Variants in IQGAP2 observed in about 807,000 individuals in gnomAD.
The protein encoded by IQGAP2 is IQ motif containing GTPase activating protein 2, also known as ras GTPase-activating-like protein IQGAP2.
IQGAP2 carries 173 observed loss-of-function variants against 201.3 expected under a neutral mutation model. The observed-to-expected ratio is 0.86, with a 90% CI of 0.76 to 0.98. The LOEUF (loss-of-function observed/expected upper bound fraction) is 0.98. IQGAP2 is among the 50% of genes least tolerant of loss of function. The pLI, the probability that IQGAP2 is intolerant of heterozygous loss-of-function variation, is 0.00. For missense variants in IQGAP2, 1,687 were observed against 1,864.8 expected (o/e 0.90, Z 1.76); for synonymous variants, 675 against 673.9 (o/e 1.00, Z -0.03).
chr5:76,645,354 G>GT (rs979351380), intron 17 of IQGAP2, among the ~76,000 whole-genome samples: 1 of 152,122 alleles, frequency 6.6e-6, no homozygotes, highest in African/African-American at 2.4e-5. Context: ...TATCCTTTGG[G>GT]TACATACCCA....
chr5:76,645,050 C>T (rs1751923332), intron 17 of IQGAP2, among the ~76,000 whole-genome samples: 1 of 152,018 alleles, frequency 6.6e-6, no homozygotes, highest in South Asian at 2.1e-4. Flanking sequence ...CTCCCTGTGT[C>T]CATATGTTCT....
rs1240184051 is a variant in IQGAP2, at chr5:76,678,088, C to A, written c.3660+738C>A. On this transcript the variant is annotated intron_variant, in intron 28 of 35. Coordinates refer to ENST00000274364, the MANE Select transcript of IQGAP2 (RefSeq NM_006633.5). ...TCTTCCAGGAACCCTCTCAGCTTTT[C>A]CAGTAATTTTCTGGGGGAAATGAGA... is the stretch of plus-strand genomic sequence containing the variant. Among the ~76,000 whole-genome samples the A allele has an allele frequency of 2.6e-5, 4 of 152,162 alleles. No homozygotes were observed. The East Asian group carries it at 7.7e-4, about 29-fold the overall frequency.
At chr5:76,603,472 G>GAA in intron 11 of IQGAP2, among the ~76,000 whole-genome samples, 2 of 152,322 alleles carry the variant, frequency 1.3e-5, no homozygotes, top group Middle Eastern at 6.8e-3. Context: ...TGCATTTGCA[G>GAA]AACTGTTTTG....
chr5:76,535,226 T>C (rs1204562017), intron 2 of IQGAP2, among the ~76,000 whole-genome samples: 2 of 152,028 alleles, frequency 1.3e-5, no homozygotes. Context: ...TAAAGATAGA[T>C]TGACAGTAAG....
At chr5:76,498,133 A>T (rs1757089112) in intron 2 of IQGAP2, among the ~76,000 whole-genome samples, 1 of 152,194 alleles carries the variant, frequency 6.6e-6, no homozygotes, top group African/African-American at 2.4e-5. Flanking sequence ...TGCAGTCCCC[A>T]CCATGGACAT....
chr5:76,676,748 A>G (rs1333030069), intron 27 of IQGAP2, among the ~76,000 whole-genome samples: 1 of 152,232 alleles, frequency 6.6e-6, no homozygotes, highest in Non-Finnish European at 1.5e-5. Flanking sequence ...TTTTTGTCAA[A>G]CTGGTAACAG....
At chr5:76,506,734 G>A (rs539996542) in intron 2 of IQGAP2, among the ~76,000 whole-genome samples, 15 of 152,150 alleles carry the variant, frequency 9.9e-5, no homozygotes, top group Admixed American at 9.8e-4. Flanking sequence ...CAATGAACAA[G>A]TAGAATTTGA....
intron 2 of IQGAP2, among the ~76,000 whole-genome samples, chr5:76,484,393 G>A (rs982421371): frequency 6.6e-6 from 1 of 152,066 alleles, no homozygotes; most frequent in African/African-American, 2.4e-5. Flanking sequence ...GTGCTAGCTG[G>A]TCTCCACTTG....
In IQGAP2 at chr5:76,707,247, T is replaced by C. The variant is rs1190083611; in HGVS notation, c.4662T>C (p.Phe1554=). Residue 1554 remains phenylalanine, a synonymous_variant, in exon 36 of 36, where the codon TTT becomes TTC. Transcript: ENST00000274364. ...QYEGVAVMKM[F]DKVKVNVNLL... ...AAGGAGTAGCTGTAATGAAAATGTT[T>C]GATAAGGTTAAAGTGAATGTAAACC... is the stretch of plus-strand genomic sequence containing the variant. 3 of 1,584,088 alleles carry C rather than the reference T, an allele frequency of 1.9e-6. No homozygotes were observed. The highest frequency in any genetic ancestry group is 2.6e-6 in the Non-Finnish European group (3 of 1,152,960).
intron 23 of IQGAP2, among the ~76,000 whole-genome samples, chr5:76,669,580 A>G (rs1744109830): frequency 6.6e-6 from 1 of 152,234 alleles, no homozygotes; most frequent in African/African-American, 2.4e-5. Flanking sequence ...AAGATTTTAT[A>G]GAAGAGGAGG....
At chr5:76,487,670 C>CT (rs1034771213) in intron 2 of IQGAP2, among the ~76,000 whole-genome samples, 10 of 151,890 alleles carry the variant, frequency 6.6e-5, no homozygotes, top group African/African-American at 2.4e-4. Context: ...CATGTATGTG[C>CT]TTTTTTTTAT....
chr5:76,466,420 G>A (rs1455535187), intron 2 of IQGAP2, among the ~76,000 whole-genome samples: 1 of 152,300 alleles, frequency 6.6e-6, no homozygotes. Flanking sequence ...ACGCAAAGTT[G>A]GAGGACTCAT....
rs1034225694 is a variant in IQGAP2 at position 76,707,901 on chromosome 5, G to T, written c.*588G>T. ...TTTATGTGATTTATTCCTACTAAATGAAAGTGCACTACTGCCTCATGTAAA... is the reference window on the plus strand; with the variant it reads ...TTTATGTGATTTATTCCTACTAAATTAAAGTGCACTACTGCCTCATGTAAA... On this transcript the variant is annotated 3_prime_UTR_variant, in exon 36 of 36. Coordinates refer to ENST00000274364, the MANE Select transcript of IQGAP2 (RefSeq NM_006633.5). 1 of 152,674 alleles carries T rather than the reference G, an allele frequency of 6.5e-6. No homozygotes were observed. Among genetic ancestry groups the T allele is most frequent in the African/African-American group, 2.4e-5 (1 of 41,442 alleles). 9.5% of individuals were successfully genotyped at this position (152,674 alleles called of 1,614,324 possible).
chr5:76,546,761 A>G (rs1281976845), intron 2 of IQGAP2, among the ~76,000 whole-genome samples: 1 of 152,164 alleles, frequency 6.6e-6, no homozygotes, highest in Non-Finnish European at 1.5e-5. Context: ...ACGGACACAC[A>G]TGTCAGGAAA....
chr5:76,690,605 T>A (rs61128079), intron 30 of IQGAP2, among the ~76,000 whole-genome samples: 24,076 of 152,174 alleles, frequency 0.16, 2,119 homozygotes, highest in Middle Eastern at 0.2. Context: ...CCAAAAGAAA[T>A]TTAATATGAG....
chr5:76,564,126 C>T (rs1185174649), intron 3 of IQGAP2, among the ~76,000 whole-genome samples: 1 of 152,110 alleles, frequency 6.6e-6, no homozygotes, highest in Admixed American at 6.5e-5. Flanking sequence ...TAATCTTCCA[C>T]AAGACTTTAA....
At chr5:76,615,161 A>G (rs2292019) in intron 13 of IQGAP2, among the ~76,000 whole-genome samples, 5,527 of 152,306 alleles carry the variant, frequency 0.036, 187 homozygotes, top group East Asian at 0.099. Context: ...TTGCTTGTGA[A>G]CATATGAGTT....
At chr5:76,563,173 T>A (rs1311852920) in intron 3 of IQGAP2, among the ~76,000 whole-genome samples, 1 of 152,176 alleles carries the variant, frequency 6.6e-6, no homozygotes, top group African/African-American at 2.4e-5. Context: ...AAGGCTGCAG[T>A]GAGCTATGAT....
intron 2 of IQGAP2, among the ~76,000 whole-genome samples, chr5:76,521,326 A>G (rs867614082): frequency 4.6e-5 from 7 of 152,222 alleles, no homozygotes; most frequent in African/African-American, 1.4e-4. Flanking sequence ...CCAGCTTTTC[A>G]TAAGTGACAA....
Sources: gnomAD v4.1 joint callset for allele counts (sites outside exome capture counted in the v4.1 genomes callset) on GRCh38, gnomAD v4.1.1 for gene constraint, MANE v1.5 for transcripts, NCBI Gene and HGNC (gene_info 2026-07-23, HGNC 2026-07-21) for gene names.